Variants in IFT140 observed in about 807,000 individuals in gnomAD.
IFT140 encodes intraflagellar transport 140.
A neutral mutation model predicts 164.6 loss-of-function variants in IFT140; 133 were observed. The observed-to-expected ratio is 0.81, with a 90% CI of 0.70 to 0.93. The LOEUF (loss-of-function observed/expected upper bound fraction) is 0.93, where lower values mean the gene tolerates loss of function less well. IFT140 is among the 40% of genes least tolerant of loss of function. IFT140 has a pLI of 0.00. For synonymous variants in IFT140, 860 were observed against 817.3 expected (o/e 1.05, Z -0.89); for missense variants, 2,045 against 1,972.3 (o/e 1.04, Z -0.70).
chr16:1,568,770 A>G (rs902014576), intron 14 of IFT140, among the ~76,000 whole-genome samples: 1 of 152,066 alleles, frequency 6.6e-6, no homozygotes, highest in African/African-American at 2.4e-5. Context: ...AAAAAACGAA[A>G]AAAAACAAAA....
chr16:1,545,438 G>C (rs1367651717), intron 19 of IFT140, among the ~76,000 whole-genome samples: 1 of 152,226 alleles, frequency 6.6e-6, no homozygotes, highest in Non-Finnish European at 1.5e-5. Context: ...GCCCTGTTTA[G>C]ACTTGTTTCA....
At chr16:1,580,303 T>C (rs1180331918) in intron 13 of IFT140, 1 of 154,874 alleles carries the variant, frequency 6.5e-6, no homozygotes, top group Non-Finnish European at 1.4e-5. Context: ...TTTGGTTCTG[T>C]GTCCCCACCC....
intron 13 of IFT140, among the ~76,000 whole-genome samples, chr16:1,572,029 T>A (rs1246485329): frequency 6.6e-6 from 1 of 151,894 alleles, no homozygotes; most frequent in African/African-American, 2.4e-5. Context: ...GGTGAGGCGG[T>A]GGGGGAGAGG....
Position 1,526,043 on chromosome 16 carries a change from C to A in IFT140, c.2612G>T (p.Arg871Leu). The A allele has an allele frequency of 1.9e-6, 3 of 1,599,642 alleles. No individual in the cohort carries two copies. Among genetic ancestry groups the A allele is most frequent in the Non-Finnish European group, 2.6e-6 (3 of 1,173,528 alleles). Residue 871 changes from arginine to leucine, a missense_variant, in exon 21 of 31, where the codon CGC (arginine) becomes CTC (leucine). By Grantham distance (102) the Arg-to-Leu change is moderately radical. Transcript: ENST00000426508. ...GTAGAACTTGTTCAGGAGGTCGTGG[C>A]GCTTGCACTTCCTGTACAGCTGCTC... Reference protein sequence around the residue: ...DAEQLYRKCKRHDLLNKFYQA... With the variant: ...DAEQLYRKCKLHDLLNKFYQA...
chr16:1,598,766 G>A (rs2035595213), intron 4 of IFT140, among the ~76,000 whole-genome samples: 1 of 152,260 alleles, frequency 6.6e-6, no homozygotes, highest in Non-Finnish European at 1.5e-5. Flanking sequence ...GTACACAGGT[G>A]AGGGCAAGGA....
chr16:1,584,936 T>G (rs1253561384), intron 10 of IFT140, among the ~76,000 whole-genome samples: 1 of 152,220 alleles, frequency 6.6e-6, no homozygotes, highest in Admixed American at 6.5e-5. Context: ...GAAACTGCTC[T>G]GAAAGGGCTC....
Position 1,564,395 on chromosome 16 carries a change from A to G in IFT140, c.1902-233T>C, listed in dbSNP as rs1363347983. ...CAAAGCCCAGTTTGAAAGAACCACA[A>G]AAAGATGACGCTTTGATTCTGGAGG... is the stretch of plus-strand genomic sequence containing the variant. On this transcript the variant is annotated intron_variant, in intron 16 of 30. Transcript: ENST00000426508. This position sits in a 1 kb window ranked among gnomAD's most constrained non-coding sequence, Gnocchi z 5.5. Among the ~76,000 whole-genome samples the G allele has an allele frequency of 2.0e-5, 3 of 152,218 alleles. No individual in the cohort carries two copies. Among genetic ancestry groups the G allele is most frequent in the African/African-American group, 4.8e-5 (2 of 41,460 alleles).
rs753468328 is a variant in IFT140, at chr16:1,523,582, G to C, written c.3389C>G (p.Ser1130Cys). 3.1e-6 allele frequency: 5 copies of C among 1,613,784 alleles called. No homozygotes were observed. Among genetic ancestry groups the C allele is most frequent in the Non-Finnish European group, 4.2e-6 (5 of 1,179,998 alleles). Residue 1130 changes from serine to cysteine, a missense_variant, in exon 26 of 31, where the codon TCC (serine) becomes TGC (cysteine). Ser to Cys is a moderately radical substitution (Grantham distance 112). Coordinates refer to ENST00000426508, the MANE Select transcript of IFT140 (RefSeq NM_014714.4). ...TSDPALLARC[S>C]DFFIEHSQYE... ...CTGACTGTGCTCGATGAAGAAGTCG[G>C]AGCAGCGGGCCAGGAGCGCAGGGTC... is the stretch of plus-strand genomic sequence containing the variant.
chr16:1,606,983 C>T (rs763600019), intron 3 of IFT140, 137 bp downstream of exon 3: 31 of 828,028 alleles, frequency 3.7e-5, no homozygotes, highest in East Asian at 2.4e-4. Context: ...TACACATACA[C>T]GCACACACAG....
intron 2 of IFT140, among the ~76,000 whole-genome samples, chr16:1,607,957 C>T (rs2036157568): frequency 6.6e-6 from 1 of 152,132 alleles, no homozygotes; most frequent in Non-Finnish European, 1.5e-5. Flanking sequence ...ACAACATTTT[C>T]AAACAAAATA....
intron 4 of IFT140, among the ~76,000 whole-genome samples, chr16:1,592,989 G>A (rs1417060531): frequency 1.3e-5 from 2 of 151,164 alleles, no homozygotes; most frequent in Admixed American, 6.6e-5. Flanking sequence ...ACTGGTGGAG[G>A]GACAGGTGTC....
At chr16:1,565,100 T>C (rs956949334) in intron 16 of IFT140, among the ~76,000 whole-genome samples, 3 of 151,978 alleles carry the variant, frequency 2.0e-5, no homozygotes, top group African/African-American at 7.3e-5. Flanking sequence ...ACTCAGAGGC[T>C]CCCACAGCTC....
rs542758162 is a variant in IFT140, at chr16:1,526,022, A to G, written c.2633T>C (p.Phe878Ser). The change falls in exon 21 of 31, where the codon TTC (phenylalanine) becomes TCC (serine). Residue 878 changes from phenylalanine to serine, a missense_variant. Transcript: ENST00000426508. ...CTGCCACCGGCCCGCAGCCTGGTAG[A>G]ACTTGTTCAGGAGGTCGTGGCGCTT... ...KCKRHDLLNK[F>S]YQAAGRWQEA... The G allele has an allele frequency of 6.2e-7, 1 of 1,602,116 alleles. No individual in the cohort carries two copies. The highest frequency in any genetic ancestry group is 1.1e-5 in the South Asian group (1 of 88,918).
chr16:1,525,905 C>G lies in IFT140; in HGVS notation c.2750G>C (p.Cys917Ser). 1 of 1,552,190 alleles carries G rather than the reference C, an allele frequency of 6.4e-7. No homozygotes were observed. Among genetic ancestry groups the G allele is most frequent in the Non-Finnish European group, 8.7e-7 (1 of 1,149,974 alleles). The stretch of plus-strand genomic sequence containing the variant: ...CACTCACTAACTGAGGGCCCGGCTG[C>G]AGTCGGCGCTGGCCTCCAGGTGCCC... ...YAGHLEASADCSRALSYYEKS... is the reference protein window; with the variant it reads ...YAGHLEASADSSRALSYYEKS... The change falls in exon 21 of 31, where the codon TGC becomes TCC. Residue 917 changes from cysteine to serine, a missense_variant. Cys to Ser is a moderately radical substitution (Grantham distance 112). Transcript: ENST00000426508.
chr16:1,602,597 T>C lies in IFT140; in HGVS notation c.148-6A>G, dbSNP rs1340976506. 3.1e-6 allele frequency: 5 copies of C among 1,609,216 alleles called. No homozygotes were observed. The highest frequency in any genetic ancestry group is 3.4e-6 in the Non-Finnish European group (4 of 1,179,686). Reference sequence around the variant, plus strand: ...GTATCTGGCACGCACTCCCCCTGCATTGGATGAGAGGCAAATTCCCACAGT... The same window carrying C: ...GTATCTGGCACGCACTCCCCCTGCACTGGATGAGAGGCAAATTCCCACAGT... On this transcript the variant is annotated splice_region_variant and splice_polypyrimidine_tract_variant and intron_variant, in intron 3 of 30. Coordinates refer to ENST00000426508, the MANE Select transcript of IFT140 (RefSeq NM_014714.4).
chr16:1,586,636 C>A (rs1256076872), intron 9 of IFT140, among the ~76,000 whole-genome samples: 1 of 152,188 alleles, frequency 6.6e-6, no homozygotes, highest in Non-Finnish European at 1.5e-5. Context: ...TGCACACACA[C>A]ACACACACAC....
At chr16:1,572,143 G>A (rs2034052776) in intron 13 of IFT140, among the ~76,000 whole-genome samples, 2 of 152,206 alleles carry the variant, frequency 1.3e-5, no homozygotes, top group African/African-American at 2.4e-5. Flanking sequence ...GGGTATTTCA[G>A]TAAAATGTTT....
intron 18 of IFT140, among the ~76,000 whole-genome samples, chr16:1,561,028 G>A (rs931501150): frequency 6.6e-6 from 1 of 152,254 alleles, no homozygotes; most frequent in Non-Finnish European, 1.5e-5. Flanking sequence ...CCCGCCTGCA[G>A]AACCCCTGTG....
intron 30 of IFT140, among the ~76,000 whole-genome samples, chr16:1,513,799 A>G (rs73497522): frequency 0.43 from 62,984 of 146,598 alleles, 16,329 homozygotes; most frequent in African/African-American, 0.74. Flanking sequence ...TCAGCCTCCC[A>G]AGTAGCTGGG....
Sources: allele counts gnomAD v4.1 joint callset (sites outside exome capture counted in the v4.1 genomes callset), GRCh38; gene constraint gnomAD v4.1.1; non-coding constraint Gnocchi (gnomAD v3.1); transcripts MANE v1.5; gene names NCBI Gene and HGNC (gene_info 2026-07-23, HGNC 2026-07-21).